ITPR3: variants seen among roughly 807,000 people sequenced by gnomAD.
ITPR3 encodes the protein inositol 1,4,5-trisphosphate receptor type 3.
In ITPR3, 173 loss-of-function variants were observed where a neutral mutation model predicts 293.2. The ratio of observed to expected loss-of-function variants is 0.59; its 90% confidence interval spans 0.52 to 0.67. The LOEUF (loss-of-function observed/expected upper bound fraction) is 0.67. ITPR3 is among the 30% of genes least tolerant of loss of function. The pLI is 0.00. For synonymous variants in ITPR3, 1,295 were observed against 1,444.4 expected, an observed-to-expected ratio of 0.90 and a Z score of 2.35; for missense variants, 2,796 against 3,592.1, an observed-to-expected ratio of 0.78 and a Z score of 5.66.
chr6:33,678,627 C>G lies in ITPR3; in HGVS notation c.3772-12C>G, dbSNP rs778957730. 2.1e-5 allele frequency: 33 copies of G among 1,608,980 alleles called. No homozygotes were observed. The highest frequency in any genetic ancestry group is 1.8e-4 in the East Asian group (8 of 44,722). On this transcript the variant is annotated splice_polypyrimidine_tract_variant and intron_variant, in intron 29 of 57. Coordinates refer to ENST00000605930, the MANE Select transcript of ITPR3 (RefSeq NM_002224.4). Reference sequence around the variant, plus strand: ...GCCCAGATCTCTTTCTGACAGATGCCCCCCACTGCAGCTCCTGGAGGCAGA... The same window carrying G: ...GCCCAGATCTCTTTCTGACAGATGCGCCCCACTGCAGCTCCTGGAGGCAGA...
Position 33,680,327 on chromosome 6 carries a change from AG to A in ITPR3, c.4225del. On this transcript the variant is annotated splice_acceptor_variant, in intron 31 of 57. Transcript: ENST00000605930. LOFTEE classifies it high-confidence loss of function. ...GCCCCTGACCTCCCGCCCACTGCCC[AG>A]GTGAAAATGGCCTATGTGAACTTCG... The A allele has an allele frequency of 6.2e-7, 1 of 1,612,732 alleles. No individual in the cohort carries two copies. Among genetic ancestry groups the A allele is most frequent in the Non-Finnish European group, 8.5e-7 (1 of 1,179,542 alleles).
intron 1 of ITPR3, among the ~76,000 whole-genome samples, chr6:33,635,039 C>T (rs1763786422): frequency 6.6e-6 from 1 of 152,188 alleles, no homozygotes; most frequent in Non-Finnish European, 1.5e-5. Context: ...TCCATCACCC[C>T]AGTCAATGCT....
In ITPR3 at chr6:33,682,159, C is replaced by T. The variant is rs542553224; in HGVS notation, c.4477-365C>T. ...GGCCTCCCAAAGTGCTGACATTACACGTGTGAGCCACTGCGCCCAGCCTCA... is the reference window on the plus strand; with the variant it reads ...GGCCTCCCAAAGTGCTGACATTACATGTGTGAGCCACTGCGCCCAGCCTCA... On this transcript the variant is annotated intron_variant, in intron 33 of 57. Transcript: ENST00000605930. The surrounding 1 kb of genome is among the most constrained non-coding windows in gnomAD (Gnocchi z 5.4). Among the ~76,000 whole-genome samples the T allele has an allele frequency of 3.9e-5, 6 of 152,306 alleles. No individual in the cohort carries two copies. The highest frequency in any genetic ancestry group is 2.0e-4 in the Admixed American group (3 of 15,300).
At position 33,691,085 on chromosome 6, in the gene ITPR3, C is replaced by G; in HGVS notation, c.7201C>G (p.Arg2401Gly). The G allele has an allele frequency of 6.2e-7, 1 of 1,614,162 alleles. No individual in the cohort carries two copies. Among genetic ancestry groups the G allele is most frequent in the Non-Finnish European group, 8.5e-7 (1 of 1,180,036 alleles). The stretch of plus-strand genomic sequence containing the variant: ...GGATGACTTCATTCTCGAGGTCGAC[C>G]GGCTGCCCAACAACCACTCCACAGG... ...LKDDFILEVDRLPNNHSTASP... is the reference protein window; with the variant it reads ...LKDDFILEVDGLPNNHSTASP... Residue 2401 changes from arginine (R) to glycine (G), a missense_variant, in exon 52 of 58, where the codon CGG becomes GGG. Physicochemically the swap from Arg to Gly is moderately radical, Grantham distance 125. Around this residue, in one of 8 missense-constraint regions of ITPR3, gnomAD observed 568 missense variants for 796.1 expected, o/e 0.71. Coordinates refer to ENST00000605930, the MANE Select transcript of ITPR3 (RefSeq NM_002224.4). The surrounding 1 kb of genome is among the most constrained non-coding windows in gnomAD (Gnocchi z 4.9).
Position 33,651,170 on chromosome 6 carries a change from A to G in ITPR3, c.161-4596A>G, listed in dbSNP as rs182121272. Among the ~76,000 whole-genome samples the G allele has an allele frequency of 3.7e-3, 563 of 151,578 alleles. 2 individuals carry two copies. The highest frequency in any genetic ancestry group is 0.013 in the African/African-American group (528 of 41,330). On this transcript the variant is annotated intron_variant, in intron 2 of 57. Transcript: ENST00000605930. ...CACGCGCCTGTAATCCCAGCTACTC[A>G]GGAGGCTGAGGCAGGAGAATGGTGT... is the stretch of plus-strand genomic sequence containing the variant.
intron 1 of ITPR3, among the ~76,000 whole-genome samples, chr6:33,627,363 A>G (rs975725030): frequency 1.3e-5 from 2 of 152,246 alleles, no homozygotes; most frequent in African/African-American, 4.8e-5. Flanking sequence ...ATGAACATTT[A>G]CAAACAATAT....
At position 33,662,676 on chromosome 6, in the gene ITPR3, T is replaced by C. The variant is rs1422989882; in HGVS notation, c.858+2T>C. The C allele has an allele frequency of 6.2e-6, 10 of 1,605,170 alleles. No homozygotes were observed. Among genetic ancestry groups the C allele is most frequent in the African/African-American group, 1.3e-5 (1 of 74,764 alleles). Reference sequence around the variant, plus strand: ...TCCAATGCTCTCTGGGAGGTGGAGGTCAGAAAAGCCCTGCTTCTGGCACCC... The same window carrying C: ...TCCAATGCTCTCTGGGAGGTGGAGGCCAGAAAAGCCCTGCTTCTGGCACCC... On this transcript the variant is annotated splice_donor_variant, in intron 8 of 57. Coordinates refer to ENST00000605930, the MANE Select transcript of ITPR3 (RefSeq NM_002224.4). LOFTEE classifies it high-confidence loss of function.
intron 1 of ITPR3, among the ~76,000 whole-genome samples, chr6:33,628,588 T>C (rs1485663130): frequency 6.6e-6 from 1 of 152,216 alleles, no homozygotes; most frequent in African/African-American, 2.4e-5. Flanking sequence ...CACAACACAG[T>C]GAGTCCAGGG....
chr6:33,695,448 C>T (rs1276538847), intron 57 of ITPR3: 2 of 573,258 alleles, frequency 3.5e-6, no homozygotes, highest in African/African-American at 3.7e-5. Context: ...TCTGGCAGTG[C>T]CTGCATGAAG....
chr6:33,669,277 A>G, intron 18 of ITPR3, 121 bp downstream of exon 18: 3 of 989,956 alleles, frequency 3.0e-6, no homozygotes, highest in Non-Finnish European at 4.4e-6. Context: ...CTGCCTCCTC[A>G]GAAGCGGAGT....
At chr6:33,640,376 A>G in intron 1 of ITPR3, 108 bp from the exon 2 acceptor site, 1 of 973,554 alleles carries the variant, frequency 1.0e-6, no homozygotes, top group Non-Finnish European at 1.5e-6. Context: ...AGATGGAGGA[A>G]TTATCTTAGG....
intron 3 of ITPR3, among the ~76,000 whole-genome samples, chr6:33,656,345 C>T (rs1764305370): frequency 1.3e-5 from 2 of 152,028 alleles, no homozygotes; most frequent in Admixed American, 6.6e-5. Context: ...AGTGGAATGT[C>T]GACACCATAG....
intron 1 of ITPR3, among the ~76,000 whole-genome samples, chr6:33,637,524 A>G (rs1249531631): frequency 1.3e-5 from 2 of 152,132 alleles, no homozygotes; most frequent in Non-Finnish European, 2.9e-5. Context: ...GCTGGAGTGC[A>G]ATGGCTCGAT....
Position 33,623,321 on chromosome 6 carries a change from G to GTTTTTTTTTTT in ITPR3, c.89+1634_89+1635insTTTTTTTTTTT, listed in dbSNP as rs150420581. On this transcript the variant is annotated intron_variant, in intron 1 of 57. Coordinates refer to ENST00000605930, the MANE Select transcript of ITPR3 (RefSeq NM_002224.4). ...CATGATGATTTTCAAGTGCCTGTGA[G>GTTTTTTTTTTT]TTTTGTTTTTTTTTTTTTTTTTTAA... 1.7e-5 allele frequency among the ~76,000 whole-genome samples: 2 copies of GTTTTTTTTTTT among 118,266 alleles called. 1 individual carries two copies. Among genetic ancestry groups the GTTTTTTTTTTT allele is most frequent in the Non-Finnish European group, 3.4e-5 (2 of 59,608 alleles). 77.6% of individuals were successfully genotyped at this position (118,266 alleles called of 152,430 possible). A position where few individuals can be genotyped will look rare whatever the true frequency, so the allele number is the denominator to read the frequency against.
At chr6:33,694,122 AGT>A (rs1268943120) in intron 56 of ITPR3, among the ~76,000 whole-genome samples, 4 of 152,030 alleles carry the variant, frequency 2.6e-5, no homozygotes, top group African/African-American at 9.7e-5. Flanking sequence ...GCTCTCAGGG[AGT>A]GTTTTCTAGC....
chr6:33,677,643 C>T lies in ITPR3; in HGVS notation c.3648+14C>T. 1 of 1,612,306 alleles carries T rather than the reference C, an allele frequency of 6.2e-7. No individual in the cohort carries two copies. Among genetic ancestry groups the T allele is most frequent in the Non-Finnish European group, 8.5e-7 (1 of 1,178,856 alleles). ...CCCTATGACAAGGTGGCTCTGACTTCTGACCTCTGACTCCCCAGGGTGGCT... is the reference window on the plus strand; with the variant it reads ...CCCTATGACAAGGTGGCTCTGACTTTTGACCTCTGACTCCCCAGGGTGGCT... On this transcript the variant is annotated intron_variant, in intron 28 of 57. Coordinates refer to ENST00000605930, the MANE Select transcript of ITPR3 (RefSeq NM_002224.4).
intron 1 of ITPR3, among the ~76,000 whole-genome samples, chr6:33,626,454 A>G (rs1763552240): frequency 6.6e-6 from 1 of 152,108 alleles, no homozygotes; most frequent in African/African-American, 2.4e-5. Context: ...TTTAATGAGT[A>G]CCTGGGGCCG....
At chr6:33,693,430 C>T (rs779635691) in intron 55 of ITPR3, 115 bp from the exon 56 acceptor site, 9 of 1,032,914 alleles carry the variant, frequency 8.7e-6, no homozygotes, top group Non-Finnish European at 1.2e-5. Context: ...CTGTTGGAAG[C>T]GCTCATCCCG....
rs764472814 is a variant in ITPR3, at chr6:33,683,756, C to T, written c.4789-264C>T. On this transcript the variant is annotated intron_variant, in intron 35 of 57. Transcript: ENST00000605930. This position sits in a 1 kb window ranked among gnomAD's most constrained non-coding sequence, Gnocchi z 4.5. ...GGGGTGTGGTGGATTATTTTCCCCA[C>T]GTGGCAGGAGACTGAGGCTCAGAGA... Among the ~76,000 whole-genome samples the T allele has an allele frequency of 2.2e-4, 34 of 152,146 alleles. No homozygotes were observed. The highest frequency in any genetic ancestry group is 4.6e-4 in the Non-Finnish European group (31 of 68,030).
Sources: gnomAD v4.1 joint callset for allele counts (sites outside exome capture counted in the v4.1 genomes callset) on GRCh38, gnomAD v4.1.1 for gene constraint, gnomAD v4.1.1 regional missense constraint, Gnocchi (gnomAD v3.1) non-coding constraint, MANE v1.5 for transcripts, NCBI Gene and HGNC (gene_info 2026-07-23, HGNC 2026-07-21) for gene names.